The following VRK2 variants were observed in gnomAD, a reference collection of about 807,000 sequenced individuals.
VRK2 encodes serine/threonine-protein kinase VRK2.
A neutral mutation model predicts 57.6 loss-of-function variants in VRK2; 60 were observed. That is an observed-to-expected ratio of 1.04 (90% confidence interval 0.85 to 1.29). The LOEUF (loss-of-function observed/expected upper bound fraction) is 1.29. VRK2 is among the 50% of genes most tolerant of loss of function. The pLI is 0.00. For synonymous variants in VRK2, 231 were observed against 199.2 expected (o/e 1.16, Z -1.35); for missense variants, 705 against 588.1 (o/e 1.20, Z -2.06).
At chr2:58,047,097 G>C (rs1558561768) in intron 1 of VRK2, 10 of 566,148 alleles carry the variant, frequency 1.8e-5, no homozygotes, top group Non-Finnish European at 2.2e-5. Context: ...ACTCACGTTT[G>C]CCAAAAGCGG....
At chr2:58,096,631 A>G (rs1392298057) in intron 7 of VRK2, among the ~76,000 whole-genome samples, 1 of 151,808 alleles carries the variant, frequency 6.6e-6, no homozygotes, top group South Asian at 2.1e-4. Context: ...GAAGGTGGCC[A>G]GTAGTAGTCC....
At chr2:58,066,543 T>C (rs541158791) in intron 2 of VRK2, among the ~76,000 whole-genome samples, 2 of 152,176 alleles carry the variant, frequency 1.3e-5, no homozygotes, top group African/African-American at 4.8e-5. Flanking sequence ...TTATTTCCCC[T>C]ACCATCTTTG....
At chr2:58,006,185 T>A (rs1243076461) in intron 1 of VRK2, among the ~76,000 whole-genome samples, 1 of 152,034 alleles carries the variant, frequency 6.6e-6, no homozygotes, top group Non-Finnish European at 1.5e-5. Flanking sequence ...GTATAAAGGG[T>A]GTGAGATAAT....
chr2:58,089,945 A>G (rs1393981554), intron 7 of VRK2, among the ~76,000 whole-genome samples: 2 of 152,208 alleles, frequency 1.3e-5, no homozygotes. Context: ...GTTAATGGGC[A>G]CACAGTTAAG....
chr2:57,911,767 A>T (rs1370944179), intron 1 of VRK2, among the ~76,000 whole-genome samples: 3 of 152,230 alleles, frequency 2.0e-5, no homozygotes, highest in African/African-American at 7.2e-5. Flanking sequence ...ATGGACTGAA[A>T]TCTGAAAATC....
chr2:58,093,136 G>A (rs1212618731), intron 7 of VRK2, among the ~76,000 whole-genome samples: 1 of 152,222 alleles, frequency 6.6e-6, no homozygotes, highest in Non-Finnish European at 1.5e-5. Context: ...ATGTGCATGT[G>A]TCTTTATAGC....
At chr2:58,151,910 T>C (rs1008489616) in intron 12 of VRK2, among the ~76,000 whole-genome samples, 1 of 151,488 alleles carries the variant, frequency 6.6e-6, no homozygotes, top group Admixed American at 6.6e-5. Flanking sequence ...TTTTGTTCCA[T>C]AGTGGCAGAG....
chr2:58,137,267 ATG>A (rs1162392464), intron 10 of VRK2, among the ~76,000 whole-genome samples: 1 of 144,472 alleles, frequency 6.9e-6, no homozygotes, highest in African/African-American at 2.6e-5. Flanking sequence ...TATGATATAT[ATG>A]TGTTTGTATA....
intron 1 of VRK2, among the ~76,000 whole-genome samples, chr2:58,000,474 G>C (rs1310259215): frequency 6.6e-6 from 1 of 152,046 alleles, no homozygotes; most frequent in Non-Finnish European, 1.5e-5. Flanking sequence ...TTCAGTTATA[G>C]AAATTCTTGA....
At chr2:57,966,915 G>A (rs931211756) in intron 1 of VRK2, among the ~76,000 whole-genome samples, 18 of 152,138 alleles carry the variant, frequency 1.2e-4, no homozygotes, top group African/African-American at 4.1e-4. Flanking sequence ...TAGTGAACCA[G>A]ACAGTAGTGA....
chr2:58,146,580 G>A lies in VRK2; in HGVS notation c.1182+106G>A, dbSNP rs138599299. 806 of 1,312,104 alleles carry A rather than the reference G, an allele frequency of 6.1e-4. 5 individuals carry two copies. The Middle Eastern group carries it at 0.018, about 30-fold the overall frequency. The allele number at this position is 1,312,104 out of a possible 1,614,324, so 81.3% of individuals were successfully genotyped here. A position where few individuals can be genotyped will look rare whatever the true frequency, so the allele number is the denominator to read the frequency against. Reference sequence around the variant, plus strand: ...TTCTCCTGAGGGCCAAGGTTGTATGGTTTTGTTAAATGAGAAGGGACAGAA... The same window carrying A: ...TTCTCCTGAGGGCCAAGGTTGTATGATTTTGTTAAATGAGAAGGGACAGAA... On this transcript the variant is annotated intron_variant, in intron 12 of 12. Coordinates refer to ENST00000340157, the MANE Select transcript of VRK2 (RefSeq NM_006296.7).
intron 1 of VRK2, among the ~76,000 whole-genome samples, chr2:57,988,934 T>C (rs1360573988): frequency 2.0e-5 from 3 of 152,146 alleles, no homozygotes; most frequent in Admixed American, 6.6e-5. Context: ...AAAACACAGA[T>C]TGGGGTTGCA....
At chr2:57,941,242 A>C (rs192732855) in intron 1 of VRK2, among the ~76,000 whole-genome samples, 1 of 152,312 alleles carries the variant, frequency 6.6e-6, no homozygotes, top group East Asian at 1.9e-4. Context: ...CAGTGACCTC[A>C]ACTAAAGTCA....
At chr2:58,012,962 T>C (rs1673457381) in intron 1 of VRK2, among the ~76,000 whole-genome samples, 1 of 152,200 alleles carries the variant, frequency 6.6e-6, no homozygotes, top group African/African-American at 2.4e-5. Context: ...TGTCAATATC[T>C]GAAAATTCAA....
intron 2 of VRK2, among the ~76,000 whole-genome samples, chr2:58,065,819 C>G (rs1668528773): frequency 6.6e-6 from 1 of 152,036 alleles, no homozygotes; most frequent in African/African-American, 2.4e-5. Flanking sequence ...TAGTCCTATA[C>G]ATGTATTGTT....
At chr2:58,062,029 G>A (rs1161381729) in intron 2 of VRK2, among the ~76,000 whole-genome samples, 2 of 152,008 alleles carry the variant, frequency 1.3e-5, no homozygotes, top group African/African-American at 4.8e-5. Context: ...GAAGGTTGTG[G>A]CAACCCTGCA....
intron 7 of VRK2, among the ~76,000 whole-genome samples, chr2:58,102,294 C>T (rs1276929291): frequency 1.3e-5 from 2 of 151,216 alleles, no homozygotes; most frequent in Admixed American, 1.3e-4. Flanking sequence ...AATTAAAATA[C>T]ACAGATTGCC....
intron 3 of VRK2, among the ~76,000 whole-genome samples, chr2:58,084,575 G>A (rs1440900527): frequency 6.6e-6 from 1 of 151,900 alleles, no homozygotes; most frequent in Non-Finnish European, 1.5e-5. Context: ...TATACAGTGA[G>A]TGTTGTATAT....
In VRK2 at chr2:58,127,096, C is replaced by T. The variant is rs914115689; in HGVS notation, c.676+3863C>T. On this transcript the variant is annotated intron_variant, in intron 8 of 12. Transcript: ENST00000340157. Reference sequence around the variant, plus strand: ...ATATCTAAATTGTATTTTAAATGTCCATTTATCTAATATGTTTAGTATCAA... The same window carrying T: ...ATATCTAAATTGTATTTTAAATGTCTATTTATCTAATATGTTTAGTATCAA... Among the ~76,000 whole-genome samples, 5 of 151,776 alleles carry T rather than the reference C, an allele frequency of 3.3e-5. No individual in the cohort carries two copies. In the South Asian group the frequency reaches 8.3e-4, roughly 25 times the overall value.
Sources: allele counts gnomAD v4.1 joint callset (sites outside exome capture counted in the v4.1 genomes callset), GRCh38; gene constraint gnomAD v4.1.1; transcripts MANE v1.5; gene names NCBI Gene and HGNC (gene_info 2026-07-23, HGNC 2026-07-21).